The following SPG11 variants were observed in gnomAD, a reference collection of about 807,000 sequenced individuals.
SPG11 encodes spatacsin.
Under a neutral mutation model 274.0 loss-of-function variants are expected in SPG11, and 222 were observed. The observed-to-expected ratio is 0.81, with a 90% confidence interval of 0.73 to 0.91. The LOEUF is 0.91. Among genes scored for constraint, SPG11 ranks in the 40% least tolerant of loss-of-function variants. The pLI, the probability that SPG11 is intolerant of heterozygous loss-of-function variation, is 0.00. For missense variants in SPG11, 3,114 were observed against 2,872.7 expected, an observed-to-expected ratio of 1.08 and a Z score of -1.92; for synonymous variants, 1,144 against 1,039.7, an observed-to-expected ratio of 1.10 and a Z score of -1.93.
intron 36 of SPG11, among the ~76,000 whole-genome samples, chr15:44,566,895 A>G (rs2082320869): frequency 6.6e-6 from 1 of 151,698 alleles, no homozygotes; most frequent in African/African-American, 2.4e-5. Context: ...TAGAGACAGG[A>G]TTGCACCATG....
At chr15:44,613,223 C>T (rs907775409) in intron 17 of SPG11, among the ~76,000 whole-genome samples, 12 of 152,232 alleles carry the variant, frequency 7.9e-5, no homozygotes, top group African/African-American at 2.9e-4. Context: ...AAGCTCTTTG[C>T]TCCAGGTCTA....
At chr15:44,657,372 C>T in intron 3 of SPG11, 76 bp from the exon 4 acceptor site, 1 of 1,387,160 alleles carries the variant, frequency 7.2e-7, no homozygotes, top group East Asian at 2.3e-5. Flanking sequence ...TGGGAAAGAG[C>T]TATAGACTTT....
rs769608648 is a variant in SPG11, at chr15:44,657,140, C to T, written c.824G>A (p.Ser275Asn). ...SQDLDVAVIV[S>N]SSNSAVALNL... ...AAGAGCAACTGCGGAGTTGGAGGAG[C>T]TGACAATCACTGCAACATCGAGGTC... The change falls in exon 4 of 40, where the codon AGC (serine) becomes AAC (asparagine). Residue 275 changes from serine (S) to asparagine (N), a missense_variant. Transcript: ENST00000261866. 2 of 1,614,134 alleles carry T rather than the reference C, an allele frequency of 1.2e-6. No homozygotes were observed. Among genetic ancestry groups the T allele is most frequent in the East Asian group, 4.5e-5 (2 of 44,884 alleles).
chr15:44,595,230 C>A (rs763690386), intron 26 of SPG11, 29 bp downstream of exon 26: 9 of 1,607,102 alleles, frequency 5.6e-6, no homozygotes, highest in East Asian at 2.2e-5. Flanking sequence ...CTCTTAAGCT[C>A]TGGAAAGAAG....
At chr15:44,604,332 G>A (rs1015194169) in intron 20 of SPG11, 7 of 247,126 alleles carry the variant, frequency 2.8e-5, no homozygotes, top group South Asian at 2.4e-4. Context: ...AGAACAGAGC[G>A]ACTTTGACAA....
intron 16 of SPG11, among the ~76,000 whole-genome samples, chr15:44,615,074 C>T (rs957921143): frequency 1.3e-4 from 20 of 152,190 alleles, no homozygotes; most frequent in Admixed American, 3.9e-4. Context: ...TTAGAATCTT[C>T]CTCTCAAACC....
intron 14 of SPG11, chr15:44,621,461 A>T (rs1263615298): frequency 5.3e-6 from 2 of 375,040 alleles, no homozygotes; most frequent in Admixed American, 4.1e-5. Flanking sequence ...TAGATCCCCA[A>T]TTTACACAAG....
intron 20 of SPG11, among the ~76,000 whole-genome samples, chr15:44,605,166 A>G (rs990844049): frequency 6.6e-6 from 1 of 152,054 alleles, no homozygotes; most frequent in Non-Finnish European, 1.5e-5. Flanking sequence ...AGGAGAGGGT[A>G]TTTTGTCTAC....
rs1567180587 is a variant in SPG11 at position 44,636,950 on chromosome 15, A to AAAAC, written c.1603-3314_1603-3313insGTTT. On this transcript the variant is annotated intron_variant, in intron 7 of 39. Coordinates refer to ENST00000261866, the MANE Select transcript of SPG11 (RefSeq NM_025137.4). Reference sequence around the variant, plus strand: ...CAAAAAAAAAAAAAAAAAAAAAAAAAAAAAAAACAAAAAAAAAACACAAAT... The same window carrying AAAAC: ...CAAAAAAAAAAAAAAAAAAAAAAAAAAAACAAAAAAACAAAAAAAAAACACAAAT... 2.1e-4 allele frequency among the ~76,000 whole-genome samples: 26 copies of AAAAC among 126,724 alleles called. 2 individuals carry two copies. Among genetic ancestry groups the AAAAC allele is most frequent in the African/African-American group, 8.5e-4 (25 of 29,290 alleles). The allele number at this position is 126,724 out of a possible 152,430, so 83.1% of individuals were successfully genotyped here.
intron 23 of SPG11, among the ~76,000 whole-genome samples, chr15:44,597,766 T>A (rs2083081915): frequency 6.6e-6 from 1 of 152,192 alleles, no homozygotes; most frequent in Non-Finnish European, 1.5e-5. Context: ...TGGGGCAGCA[T>A]AAAGAAGGCA....
rs1260301870 is a variant in SPG11, at chr15:44,584,692, CG to C, written c.5122-135del. 1.0e-5 allele frequency: 11 copies of C among 1,064,846 alleles called. No homozygotes were observed. The African/African-American group carries it at 1.4e-4, about 14-fold the overall frequency. 66.0% of individuals were successfully genotyped at this position (1,064,846 alleles called of 1,614,324 possible). A position where few individuals can be genotyped will look rare whatever the true frequency, so the allele number is the denominator to read the frequency against. On this transcript the variant is annotated intron_variant, in intron 29 of 39. Coordinates refer to ENST00000261866, the MANE Select transcript of SPG11 (RefSeq NM_025137.4). The stretch of plus-strand genomic sequence containing the variant: ...CACCCAGGCTGGAGAGCAGTGGTGG[CG>C]ATCACAGCACACTGCAGCCTCAACC...
Position 44,573,765 on chromosome 15 carries a change from A to C in SPG11, c.6007-20T>G. 2 of 1,613,754 alleles carry C rather than the reference A, an allele frequency of 1.2e-6. No homozygotes were observed. The highest frequency in any genetic ancestry group is 1.7e-6 in the Non-Finnish European group (2 of 1,179,674). Reference sequence around the variant, plus strand: ...CAACTCCTGAGAGGAAGACAAAGCCAGTCAAGGCCACTTTTAGAAGCCAGG... The same window carrying C: ...CAACTCCTGAGAGGAAGACAAAGCCCGTCAAGGCCACTTTTAGAAGCCAGG... On this transcript the variant is annotated intron_variant, in intron 31 of 39. Transcript: ENST00000261866.
At chr15:44,589,474 C>T in intron 27 of SPG11, 60 bp from the exon 28 acceptor site, 2 of 1,603,678 alleles carry the variant, frequency 1.2e-6, no homozygotes, top group Non-Finnish European at 1.7e-6. Flanking sequence ...AAATCAAAAC[C>T]TCCAAATCTG....
chr15:44,600,749 G>C (rs565259869), intron 20 of SPG11, 117 bp from the exon 21 acceptor site: 1 of 1,099,458 alleles, frequency 9.1e-7, no homozygotes, highest in Admixed American at 1.9e-5. Context: ...GCATCACTAC[G>C]TATCACTTTG....
At chr15:44,629,416 A>C in intron 8 of SPG11, 28 bp from the exon 9 acceptor site, 1 of 1,606,290 alleles carries the variant, frequency 6.2e-7, no homozygotes, top group East Asian at 2.2e-5. Context: ...AAATTAACAT[A>C]AAGAACACCA....
At chr15:44,612,323 T>C (rs2083481970) in intron 17 of SPG11, among the ~76,000 whole-genome samples, 1 of 152,182 alleles carries the variant, frequency 6.6e-6, no homozygotes, top group African/African-American at 2.4e-5. Context: ...TGGAACAAAA[T>C]ACATTAAAAT....
At chr15:44,618,516 CAAAA>C (rs1243300533) in intron 15 of SPG11, among the ~76,000 whole-genome samples, 2 of 35,374 alleles carry the variant, frequency 5.7e-5, no homozygotes, top group Admixed American at 3.2e-4. Context: ...GACTCCATCT[CAAAA>C]AAAAAAAAAA....
rs2083059026 is a variant in SPG11 at position 44,596,931 on chromosome 15, T to G, written c.4014A>C (p.Glu1338Asp). ...QQQEIKRLSS[E>D]SSSQWALVVQ... is the part of the protein sequence containing the mutation. ...CCACTAATGCCCATTGGCTGCTAGA[T>G]TCACTGGATAACCTATAATCAGAAT... The change falls in exon 24 of 40, where the codon GAA (glutamate) becomes GAC (aspartate). Residue 1338 changes from glutamate to aspartate, a missense_variant. Glu to Asp is a conservative substitution (Grantham distance 45). Transcript: ENST00000261866. The G allele has an allele frequency of 6.2e-7, 1 of 1,613,804 alleles. No individual in the cohort carries two copies. Among genetic ancestry groups the G allele is most frequent in the Non-Finnish European group, 8.5e-7 (1 of 1,179,978 alleles).
At position 44,598,649 on chromosome 15, in the gene SPG11, A is replaced by G. The variant is rs755040176; in HGVS notation, c.3874T>C (p.Phe1292Leu). The G allele has an allele frequency of 6.2e-7, 1 of 1,614,200 alleles. No homozygotes were observed. Among genetic ancestry groups the G allele is most frequent in the Non-Finnish European group, 8.5e-7 (1 of 1,180,024 alleles). Reference protein sequence around the residue: ...KCRNEDAQYSFIRESVAEKLS... With the variant: ...KCRNEDAQYSLIRESVAEKLS... The stretch of plus-strand genomic sequence containing the variant: ...GCTGTACCTACAGACTCTCTGATAA[A>G]GCTGTACTGAGCATCTTCATTTCTG... Residue 1292 changes from phenylalanine (F) to leucine (L), a missense_variant, in exon 22 of 40, where the codon TTT (phenylalanine) becomes CTT (leucine). Phe to Leu is a conservative substitution (Grantham distance 22). Transcript: ENST00000261866.
Sources: gnomAD v4.1 joint callset for allele counts (sites outside exome capture counted in the v4.1 genomes callset) on GRCh38, gnomAD v4.1.1 for gene constraint, MANE v1.5 for transcripts, NCBI Gene and HGNC (gene_info 2026-07-23, HGNC 2026-07-21) for gene names.